The following TTC17 variants were observed in gnomAD, a reference collection of about 807,000 sequenced individuals.
TTC17 encodes tetratricopeptide repeat protein 17.
Under a neutral mutation model 143.8 loss-of-function variants are expected in TTC17, and 58 were observed. That is an observed-to-expected ratio of 0.40 (90% confidence interval 0.33 to 0.50). TTC17 has a LOEUF of 0.50. Among genes scored for constraint, TTC17 ranks in the 20% least tolerant of loss-of-function variants. The pLI, the probability that TTC17 is intolerant of heterozygous loss-of-function variation, is 0.49. For synonymous variants in TTC17, 501 were observed against 497.8 expected, an observed-to-expected ratio of 1.01 and a Z score of -0.09; for missense variants, 1,273 against 1,392.5, an observed-to-expected ratio of 0.91 and a Z score of 1.37.
chr11:43,432,909 TA>T (rs1210573994), intron 16 of TTC17, among the ~76,000 whole-genome samples: 1 of 152,240 alleles, frequency 6.6e-6, no homozygotes, highest in Non-Finnish European at 1.5e-5. Flanking sequence ...TAAAATTAGA[TA>T]ATTCAACTAT....
At chr11:43,411,480 G>A (rs565524593) in intron 15 of TTC17, among the ~76,000 whole-genome samples, 49 of 148,800 alleles carry the variant, frequency 3.3e-4, no homozygotes, top group Non-Finnish European at 5.2e-4. Context: ...ATTTTTCTCC[G>A]TCCCATTTTG....
chr11:43,431,344 C>T (rs181898455), intron 16 of TTC17, among the ~76,000 whole-genome samples: 1 of 152,288 alleles, frequency 6.6e-6, no homozygotes, highest in African/African-American at 2.4e-5. Context: ...TGAGGAATCA[C>T]CGCATTGTCT....
At chr11:43,477,403 G>A (rs1215435538) in intron 21 of TTC17, among the ~76,000 whole-genome samples, 22 of 152,148 alleles carry the variant, frequency 1.4e-4, no homozygotes, top group Admixed American at 1.4e-3. Flanking sequence ...TACTGTATTA[G>A]CTTGTTTTCA....
At chr11:43,468,231 G>A (rs1948018891) in intron 21 of TTC17, 1 of 152,162 alleles carries the variant, frequency 6.6e-6, no homozygotes, top group Non-Finnish European at 1.5e-5. Context: ...CTAGACCTCT[G>A]TACCCTGCAA....
At chr11:43,457,881 G>A (rs536830796) in intron 21 of TTC17, among the ~76,000 whole-genome samples, 127 of 152,010 alleles carry the variant, frequency 8.4e-4, no homozygotes, top group African/African-American at 2.9e-3. Context: ...TAACAGAATC[G>A]GGCAGAAGTG....
intron 5 of TTC17, 93 bp from the exon 6 acceptor site, chr11:43,396,616 C>A: frequency 1.6e-6 from 1 of 610,262 alleles, no homozygotes; most frequent in Non-Finnish European, 2.7e-6. Flanking sequence ...TCTTGAATTT[C>A]AGAAGAGCCA....
At chr11:43,446,196 T>C in intron 18 of TTC17, 1 of 1,290,602 alleles carries the variant, frequency 7.7e-7, no homozygotes, top group South Asian at 2.8e-5. Context: ...GCACATGCTA[T>C]TCCCTCTGCC....
intron 21 of TTC17, among the ~76,000 whole-genome samples, chr11:43,454,178 G>A (rs1379084747): frequency 2.6e-5 from 4 of 152,132 alleles, no homozygotes; most frequent in Non-Finnish European, 4.4e-5. Flanking sequence ...TACTGGTTGG[G>A]AATTAAAGAA....
At chr11:43,460,008 G>T (rs1947835208) in intron 21 of TTC17, among the ~76,000 whole-genome samples, 1 of 152,126 alleles carries the variant, frequency 6.6e-6, no homozygotes, top group African/African-American at 2.4e-5. Context: ...TAACCCCATT[G>T]TAAGTCAGGG....
intron 21 of TTC17, among the ~76,000 whole-genome samples, chr11:43,478,757 T>C (rs1288468129): frequency 1.3e-5 from 2 of 152,080 alleles, no homozygotes; most frequent in East Asian, 3.9e-4. Flanking sequence ...ACCCCCAAAG[T>C]AGTTAGGACG....
intron 1 of TTC17, among the ~76,000 whole-genome samples, chr11:43,365,459 G>A (rs1856297278): frequency 6.6e-6 from 1 of 151,772 alleles, no homozygotes; most frequent in Non-Finnish European, 1.5e-5. Flanking sequence ...TGTAGAGACG[G>A]GGTTTTGCCA....
At chr11:43,361,028 G>A (rs1311428174) in intron 1 of TTC17, among the ~76,000 whole-genome samples, 1 of 152,204 alleles carries the variant, frequency 6.6e-6, no homozygotes, top group East Asian at 1.9e-4. Flanking sequence ...TGTCTGCAGT[G>A]TAACAATAAG....
chr11:43,433,691 G>A (rs1947213087), intron 16 of TTC17, among the ~76,000 whole-genome samples: 1 of 152,114 alleles, frequency 6.6e-6, no homozygotes, highest in South Asian at 2.1e-4. Context: ...TTTTACTGTG[G>A]GCAGAGGGTG....
chr11:43,423,114 G>A (rs1946946068), intron 16 of TTC17, among the ~76,000 whole-genome samples: 1 of 152,190 alleles, frequency 6.6e-6, no homozygotes, highest in South Asian at 2.1e-4. Flanking sequence ...AGATGTGATG[G>A]TGGGACTTCT....
intron 1 of TTC17, among the ~76,000 whole-genome samples, chr11:43,360,327 A>T (rs1446719791): frequency 6.6e-6 from 1 of 152,250 alleles, no homozygotes; most frequent in East Asian, 1.9e-4. Flanking sequence ...ATACATAAAG[A>T]ACAGTTTCCT....
chr11:43,438,500 T>A (rs944581768), intron 16 of TTC17, among the ~76,000 whole-genome samples: 5 of 147,952 alleles, frequency 3.4e-5, no homozygotes, highest in African/African-American at 1.2e-4. Flanking sequence ...AGAATACTCT[T>A]TCTCTTTTGT....
At chr11:43,436,424 TTTC>T (rs1947294568) in intron 16 of TTC17, 1 of 1,150,170 alleles carries the variant, frequency 8.7e-7, no homozygotes, top group Non-Finnish European at 1.1e-6. Flanking sequence ...AAGAATTTGT[TTTC>T]TTCTTTAACA....
chr11:43,451,300 C>T (rs1564968479), intron 21 of TTC17, 35 bp downstream of exon 21: 12 of 1,586,998 alleles, frequency 7.6e-6, no homozygotes, highest in Non-Finnish European at 9.5e-6. Flanking sequence ...GAAACAATTG[C>T]CCTCCTTCTA....
Position 43,493,913 on chromosome 11 carries a change from T to C in TTC17, c.*9T>C. 2 of 1,573,638 alleles carry C rather than the reference T, an allele frequency of 1.3e-6. No individual in the cohort carries two copies. Among genetic ancestry groups the C allele is most frequent in the Non-Finnish European group, 1.7e-6 (2 of 1,157,982 alleles). ...GACGGCGCTCTCCTTAGTGCACTTC[T>C]TCCTTCTCTCTTTCTCTTTACTCAT... On this transcript the variant is annotated 3_prime_UTR_variant, in exon 24 of 24. Coordinates refer to ENST00000039989, the MANE Select transcript of TTC17 (RefSeq NM_018259.6).
Sources: gnomAD v4.1 joint callset for allele counts (sites outside exome capture counted in the v4.1 genomes callset) on GRCh38, gnomAD v4.1.1 for gene constraint, MANE v1.5 for transcripts, NCBI Gene and HGNC (gene_info 2026-07-23, HGNC 2026-07-21) for gene names.